The following ERC2 variants were observed in gnomAD, a reference collection of about 807,000 sequenced individuals.
ERC2 encodes ELKS/RAB6-interacting/CAST family member 2.
A neutral mutation model predicts 114.8 loss-of-function variants in ERC2; 42 were observed. The observed-to-expected ratio is 0.37, with a 90% CI of 0.29 to 0.47. ERC2 has a LOEUF of 0.47. ERC2 is among the 20% of genes least tolerant of loss of function. The pLI is 0.99. For synonymous variants in ERC2, 454 were observed against 425.5 expected (o/e 1.07, Z -0.82); for missense variants, 939 against 1,150.7 (o/e 0.82, Z 2.66).
At chr3:55,900,120 G>T (rs760819644) in intron 13 of ERC2, among the ~76,000 whole-genome samples, 1 of 152,132 alleles carries the variant, frequency 6.6e-6, no homozygotes, top group Non-Finnish European at 1.5e-5. Flanking sequence ...TTATAATCCG[G>T]TGGGGAGAGC....
chr3:55,524,007 A>G (rs899395165), intron 17 of ERC2, among the ~76,000 whole-genome samples: 13 of 152,200 alleles, frequency 8.5e-5, no homozygotes, highest in Admixed American at 5.2e-4. Context: ...CAGGTAAGTC[A>G]CTTAACCTCT....
At chr3:55,806,172 T>C (rs2059480279) in intron 14 of ERC2, among the ~76,000 whole-genome samples, 1 of 151,746 alleles carries the variant, frequency 6.6e-6, no homozygotes. Flanking sequence ...CTGTCTCTAC[T>C]AAAAACACAA....
intron 14 of ERC2, among the ~76,000 whole-genome samples, chr3:55,832,057 G>A (rs559878056): frequency 6.6e-6 from 1 of 152,234 alleles, no homozygotes; most frequent in African/African-American, 2.4e-5. Flanking sequence ...TGGGGGAGGG[G>A]CGCCCGCCAT....
rs1553861380 is a variant in ERC2 at position 56,170,594 on chromosome 3, T to TG, written c.1149+2851_1149+2852insC. On this transcript the variant is annotated intron_variant, in intron 4 of 17. Coordinates refer to ENST00000288221, the MANE Select transcript of ERC2 (RefSeq NM_015576.3). ...CTAAGAAATCTCTTCTGTTTTTTTTTTTTTTTTTTTTTTTTTTTTTGAGGT... is the reference window on the plus strand; with the variant it reads ...CTAAGAAATCTCTTCTGTTTTTTTTTGTTTTTTTTTTTTTTTTTTTTGAGGT... 7.6e-4 allele frequency among the ~76,000 whole-genome samples: 97 copies of TG among 127,374 alleles called. 2 individuals carry two copies. Among genetic ancestry groups the TG allele is most frequent in the East Asian group, 6.5e-3 (29 of 4,450 alleles). 83.6% of individuals were successfully genotyped at this position (127,374 alleles called of 152,430 possible).
intron 17 of ERC2, among the ~76,000 whole-genome samples, chr3:55,591,092 G>A (rs1439159067): frequency 6.6e-6 from 1 of 151,998 alleles, no homozygotes; most frequent in Non-Finnish European, 1.5e-5. Flanking sequence ...CTCCCAAAGT[G>A]CTAGGATTAC....
intron 4 of ERC2, among the ~76,000 whole-genome samples, chr3:56,153,267 C>G (rs557278997): frequency 2.0e-5 from 3 of 152,246 alleles, no homozygotes; most frequent in Admixed American, 2.0e-4. Flanking sequence ...CCTTCCCTCT[C>G]TAACATGAAG....
chr3:56,327,608 G>A (rs1040421408), intron 2 of ERC2, among the ~76,000 whole-genome samples: 7 of 152,216 alleles, frequency 4.6e-5, no homozygotes, highest in Admixed American at 2.6e-4. Flanking sequence ...CCAGGGAGGC[G>A]TAGGTTGCAA....
Position 55,987,428 on chromosome 3 carries a change from C to T in ERC2, c.2256-1440G>A, listed in dbSNP as rs116155115. ...AATTCTCAAAGGTGTCTGTGATGTC[C>T]GTGACCTTCCCCAAAAAGTTGCTAG... On this transcript the variant is annotated intron_variant, in intron 11 of 17. Transcript: ENST00000288221. Among the ~76,000 whole-genome samples the T allele has an allele frequency of 4.5e-3, 691 of 152,278 alleles. 8 individuals are homozygous for T. The highest frequency in any genetic ancestry group is 0.016 in the African/African-American group (648 of 41,560).
chr3:55,760,159 G>T (rs935917352), intron 14 of ERC2, among the ~76,000 whole-genome samples: 1 of 152,138 alleles, frequency 6.6e-6, no homozygotes, highest in Non-Finnish European at 1.5e-5. Flanking sequence ...TGACATCAAA[G>T]AACCTGTAAT....
At chr3:56,086,778 C>T (rs1169812451) in intron 6 of ERC2, among the ~76,000 whole-genome samples, 1 of 152,102 alleles carries the variant, frequency 6.6e-6, no homozygotes, top group Non-Finnish European at 1.5e-5. Context: ...TATTCTGACT[C>T]CACTCAACAG....
At position 55,552,505 on chromosome 3, in the gene ERC2, A is replaced by G. The variant is rs2055281090; in HGVS notation, c.*40-41229T>C. The stretch of plus-strand genomic sequence containing the variant: ...GAAACCTATTTAATCTACCATGTTT[A>G]CAAGCTGCGTAAACAAGGTACAGTG... On this transcript the variant is annotated intron_variant, in intron 17 of 17. Coordinates refer to ENST00000288221, the MANE Select transcript of ERC2 (RefSeq NM_015576.3). Among the ~76,000 whole-genome samples the G allele has an allele frequency of 2.0e-5, 3 of 152,118 alleles. No homozygotes were observed. The South Asian group carries it at 6.2e-4, about 32-fold the overall frequency.
intron 2 of ERC2, among the ~76,000 whole-genome samples, chr3:56,317,358 C>A (rs1336624359): frequency 6.6e-6 from 1 of 152,018 alleles, no homozygotes; most frequent in Non-Finnish European, 1.5e-5. Flanking sequence ...TAAACATGAA[C>A]CCCAAGAGTA....
At chr3:56,467,465 G>C (rs1423158791) in intron 1 of ERC2, among the ~76,000 whole-genome samples, 1 of 152,144 alleles carries the variant, frequency 6.6e-6, no homozygotes, top group Non-Finnish European at 1.5e-5. Context: ...AGGGCCGAAC[G>C]GAGAGTTTAC....
intron 14 of ERC2, among the ~76,000 whole-genome samples, chr3:55,741,914 T>A (rs1039559817): frequency 1.3e-5 from 2 of 152,096 alleles, no homozygotes; most frequent in South Asian, 4.1e-4. Context: ...TTAACAAATA[T>A]GGGCAACAAT....
chr3:55,699,258 G>A, intron 16 of ERC2, 120 bp downstream of exon 16: 1 of 1,251,100 alleles, frequency 8.0e-7, no homozygotes, highest in Non-Finnish European at 1.1e-6. Flanking sequence ...AAAGCTATTA[G>A]TTTCAGTTCA....
chr3:56,431,745 T>A (rs1213972806), intron 2 of ERC2, among the ~76,000 whole-genome samples: 1 of 152,250 alleles, frequency 6.6e-6, no homozygotes, highest in African/African-American at 2.4e-5. Context: ...TGCAAGTAAA[T>A]TGACTTTTCA....
intron 13 of ERC2, among the ~76,000 whole-genome samples, chr3:55,943,016 T>C (rs1325460906): frequency 2.0e-5 from 3 of 152,346 alleles, no homozygotes; most frequent in Middle Eastern, 3.4e-3. Flanking sequence ...AGGTTATTGA[T>C]GTCAGTGTGT....
intron 3 of ERC2, among the ~76,000 whole-genome samples, chr3:56,239,466 A>T (rs2051180596): frequency 1.3e-5 from 2 of 152,192 alleles, no homozygotes; most frequent in African/African-American, 4.8e-5. Flanking sequence ...AGATCCCACC[A>T]CTGCACTCCA....
At chr3:56,069,706 A>G (rs748134481) in intron 7 of ERC2, among the ~76,000 whole-genome samples, 4 of 152,178 alleles carry the variant, frequency 2.6e-5, no homozygotes, top group Non-Finnish European at 5.9e-5. Flanking sequence ...TATAAACCAT[A>G]ATTGTATTAT....
Sources: allele counts gnomAD v4.1 joint callset (sites outside exome capture counted in the v4.1 genomes callset), GRCh38; gene constraint gnomAD v4.1.1; transcripts MANE v1.5; gene names NCBI Gene and HGNC (gene_info 2026-07-23, HGNC 2026-07-21).